The following ARHGAP10 variants were observed in gnomAD, a reference collection of about 807,000 sequenced individuals.
ARHGAP10 encodes the protein Rho GTPase activating protein 10.
ARHGAP10 carries 87 observed loss-of-function variants against 108.6 expected under a neutral mutation model. That is an observed-to-expected ratio of 0.80 (90% confidence interval 0.67 to 0.96). ARHGAP10 has a LOEUF of 0.96. Ranked by LOEUF, ARHGAP10 falls within the 40% of genes least tolerant of loss-of-function variation. The pLI is 0.00. For synonymous variants in ARHGAP10, 347 were observed against 341.1 expected (o/e 1.02, Z -0.19); for missense variants, 939 against 954.5 (o/e 0.98, Z 0.21).
chr4:147,852,685 G>T (rs1733918779), intron 4 of ARHGAP10, among the ~76,000 whole-genome samples: 1 of 147,258 alleles, frequency 6.8e-6, no homozygotes, highest in South Asian at 2.2e-4. Flanking sequence ...CATATTTCTG[G>T]TCTCAGAACA....
chr4:147,887,184 G>A (rs1487519173), intron 10 of ARHGAP10, among the ~76,000 whole-genome samples: 1 of 151,998 alleles, frequency 6.6e-6, no homozygotes. Flanking sequence ...GAAAATAGAA[G>A]CTGTAACAAG....
intron 10 of ARHGAP10, among the ~76,000 whole-genome samples, chr4:147,892,223 G>A (rs1052555046): frequency 1.3e-5 from 2 of 152,062 alleles, no homozygotes; most frequent in East Asian, 1.9e-4. Context: ...AAGCACTGGC[G>A]TTTTACAGTG....
At chr4:148,003,484 G>A (rs564290394) in intron 18 of ARHGAP10, among the ~76,000 whole-genome samples, 138 of 152,208 alleles carry the variant, frequency 9.1e-4, no homozygotes, top group Admixed American at 4.0e-3. Flanking sequence ...TTTCTGTCTC[G>A]TTGATCTGTC....
chr4:147,781,201 T>C (rs571912332), intron 1 of ARHGAP10, among the ~76,000 whole-genome samples: 201 of 152,036 alleles, frequency 1.3e-3, no homozygotes, highest in African/African-American at 4.7e-3. Flanking sequence ...TACTAAAAAA[T>C]ACAAAATTTA....
chr4:147,794,155 C>A (rs1731227090), intron 1 of ARHGAP10, among the ~76,000 whole-genome samples: 1 of 152,160 alleles, frequency 6.6e-6, no homozygotes, highest in Middle Eastern at 3.4e-3. Flanking sequence ...AAGTAAGTGC[C>A]ACAGGAAATT....
intron 9 of ARHGAP10, among the ~76,000 whole-genome samples, chr4:147,879,703 C>A (rs904828181): frequency 2.0e-5 from 3 of 151,834 alleles, no homozygotes; most frequent in African/African-American, 4.8e-5. Flanking sequence ...TAGCCCCCAG[C>A]CCCCTCACAG....
chr4:147,750,852 C>T (rs1729112628), intron 1 of ARHGAP10, among the ~76,000 whole-genome samples: 1 of 152,036 alleles, frequency 6.6e-6, no homozygotes, highest in South Asian at 2.1e-4. Context: ...CCGCCTGCCT[C>T]AGCCTCCCAA....
rs141244949 is a variant in ARHGAP10 at position 148,064,448 on chromosome 4, C to T, written c.2213C>T (p.Pro738Leu). The change falls in exon 22 of 23, where the codon CCG (proline) becomes CTG (leucine). Residue 738 changes from proline (P) to leucine (L), a missense_variant. Coordinates refer to ENST00000336498, the MANE Select transcript of ARHGAP10 (RefSeq NM_024605.4). Reference protein sequence around the residue: ...IRSRKARAVYPCEAEHSSELS... With the variant: ...IRSRKARAVYLCEAEHSSELS... The stretch of plus-strand genomic sequence containing the variant: ...AGTCGGAAGGCTCGAGCCGTGTATC[C>T]GTGTGAAGCAGAACACAGCTCGGAA... 2.3e-4 allele frequency: 368 copies of T among 1,613,906 alleles called. No homozygotes were observed. Among genetic ancestry groups the T allele is most frequent in the Admixed American group, 6.7e-4 (40 of 59,982 alleles).
chr4:147,929,679 C>A (rs942622527), intron 13 of ARHGAP10, among the ~76,000 whole-genome samples: 5 of 152,136 alleles, frequency 3.3e-5, no homozygotes, highest in Admixed American at 3.3e-4. Context: ...CATAATACAT[C>A]ATTCTTAGCC....
intron 1 of ARHGAP10, among the ~76,000 whole-genome samples, chr4:147,766,050 G>C (rs1212692367): frequency 6.6e-6 from 1 of 152,112 alleles, no homozygotes; most frequent in East Asian, 1.9e-4. Context: ...GTAGTCTGAG[G>C]CCGGTGGATC....
chr4:147,905,948 C>T (rs988130523), intron 10 of ARHGAP10, among the ~76,000 whole-genome samples: 5 of 152,290 alleles, frequency 3.3e-5, no homozygotes, highest in Non-Finnish European at 4.4e-5. Flanking sequence ...AGGTCCTTCA[C>T]GTTCCTTGTA....
chr4:147,979,214 T>C (rs1739717590), intron 18 of ARHGAP10, among the ~76,000 whole-genome samples: 1 of 152,206 alleles, frequency 6.6e-6, no homozygotes, highest in Admixed American at 6.5e-5. Flanking sequence ...ACTCCATCTT[T>C]AGTTAATTTA....
At chr4:148,006,380 G>A (rs1740954101) in intron 18 of ARHGAP10, among the ~76,000 whole-genome samples, 1 of 152,200 alleles carries the variant, frequency 6.6e-6, no homozygotes, top group African/African-American at 2.4e-5. Context: ...AAAATGGTGG[G>A]AACGTCAAAT....
chr4:147,851,957 C>T (rs753752478), intron 4 of ARHGAP10, among the ~76,000 whole-genome samples: 3 of 152,140 alleles, frequency 2.0e-5, no homozygotes, highest in African/African-American at 7.2e-5. Context: ...TGATTTGGGA[C>T]AAGTGACTTA....
At chr4:147,762,732 G>A (rs1192001952) in intron 1 of ARHGAP10, among the ~76,000 whole-genome samples, 26 of 151,544 alleles carry the variant, frequency 1.7e-4, no homozygotes, top group African/African-American at 4.4e-4. Flanking sequence ...GGGTTTCACC[G>A]TGCTAGCCAG....
intron 9 of ARHGAP10, 29 bp downstream of exon 9, chr4:147,879,367 T>C: frequency 6.3e-7 from 1 of 1,586,644 alleles, no homozygotes; most frequent in Non-Finnish European, 8.6e-7. Context: ...ATAGAATAGA[T>C]TATAATCTGT....
intron 20 of ARHGAP10, among the ~76,000 whole-genome samples, chr4:148,060,971 G>T (rs966610351): frequency 6.6e-6 from 1 of 152,216 alleles, no homozygotes; most frequent in South Asian, 2.1e-4. Context: ...GCCAGGGTGC[G>T]GGACAGGCAG....
intron 10 of ARHGAP10, among the ~76,000 whole-genome samples, chr4:147,890,810 G>A (rs1381110697): frequency 6.6e-6 from 1 of 152,116 alleles, no homozygotes; most frequent in Non-Finnish European, 1.5e-5. Context: ...CTGAGCAACA[G>A]AGCGAGACTC....
chr4:148,051,002 A>G (rs1578829157), intron 20 of ARHGAP10, among the ~76,000 whole-genome samples: 1 of 152,236 alleles, frequency 6.6e-6, no homozygotes, highest in East Asian at 1.9e-4. Flanking sequence ...TGTGGATCAC[A>G]TAGGACCCCA....
Sources: gnomAD v4.1 joint callset for allele counts (sites outside exome capture counted in the v4.1 genomes callset) on GRCh38, gnomAD v4.1.1 for gene constraint, MANE v1.5 for transcripts, NCBI Gene and HGNC (gene_info 2026-07-23, HGNC 2026-07-21) for gene names.